Variants in KIF3B observed in about 807,000 individuals in gnomAD.
KIF3B encodes kinesin family member 3B, also known as kinesin-like protein KIF3B.
KIF3B carries 38 observed loss-of-function variants against 74.3 expected under a neutral mutation model. The observed-to-expected ratio is 0.51, with a 90% CI of 0.39 to 0.67. The LOEUF (loss-of-function observed/expected upper bound fraction) is 0.67. Among genes scored for constraint, KIF3B ranks in the 30% least tolerant of loss-of-function variants. The pLI is 0.00. For synonymous variants in KIF3B, 326 were observed against 342.5 expected (o/e 0.95, Z 0.53); for missense variants, 649 against 932.0 (o/e 0.70, Z 3.95).
At chr20:32,325,123 A>G (rs2047896204) in intron 5 of KIF3B, among the ~76,000 whole-genome samples, 1 of 152,162 alleles carries the variant, frequency 6.6e-6, no homozygotes, top group South Asian at 2.1e-4. Context: ...AAATATACCA[A>G]CATAATAATA....
chr20:32,325,231 C>T (rs1033455223), intron 5 of KIF3B, among the ~76,000 whole-genome samples: 3 of 151,954 alleles, frequency 2.0e-5, no homozygotes, highest in African/African-American at 4.8e-5. Context: ...CTCTGTCACC[C>T]GGATTGGAGT....
intron 5 of KIF3B, among the ~76,000 whole-genome samples, chr20:32,324,321 C>T (rs891322377): frequency 1.3e-5 from 2 of 152,088 alleles, no homozygotes; most frequent in Admixed American, 6.6e-5. Context: ...TTTAATTGGT[C>T]TAGGGCAGTA....
intron 1 of KIF3B, among the ~76,000 whole-genome samples, chr20:32,294,896 A>G (rs1342256470): frequency 6.6e-6 from 1 of 152,166 alleles, no homozygotes; most frequent in African/African-American, 2.4e-5. Flanking sequence ...TGTCTTGAAT[A>G]TTGCCCATAT....
chr20:32,324,874 C>CA (rs2047894934), intron 5 of KIF3B, among the ~76,000 whole-genome samples: 5 of 152,020 alleles, frequency 3.3e-5, no homozygotes, highest in Admixed American at 3.3e-4. Context: ...ACTAAAAATA[C>CA]AAAAAAATTA....
At chr20:32,285,660 A>T (rs1294813822) in intron 1 of KIF3B, among the ~76,000 whole-genome samples, 1 of 152,092 alleles carries the variant, frequency 6.6e-6, no homozygotes, top group Admixed American at 6.6e-5. Context: ...TTGCGCATAC[A>T]TATATATATG....
chr20:32,325,449 C>T (rs949905025), intron 5 of KIF3B, among the ~76,000 whole-genome samples: 2 of 151,842 alleles, frequency 1.3e-5, no homozygotes, highest in Admixed American at 6.6e-5. Context: ...CTCGGCCTCC[C>T]GAAGCACTGA....
At chr20:32,292,583 G>GAACAAAAAAAA (rs2047697366) in intron 1 of KIF3B, among the ~76,000 whole-genome samples, 1 of 71,822 alleles carries the variant, frequency 1.4e-5, no homozygotes, top group African/African-American at 4.7e-5. Flanking sequence ...ACTAAAAATA[G>GAACAAAAAAAA]AAAAAAAAAA....
rs370786865 is a variant in KIF3B, at chr20:32,277,991, G to T, written c.-66+226G>T. ...CCAGACACGGCCACCTTGGGTCGCA[G>T]CCCACCTGGGGGCCCTGAGGCGGTG... is the stretch of plus-strand genomic sequence containing the variant. On this transcript the variant is annotated intron_variant, in intron 1 of 8. Transcript: ENST00000375712. 1.2e-3 allele frequency among the ~76,000 whole-genome samples: 188 copies of T among 152,294 alleles called. 5 individuals are homozygous for T. In the East Asian group the frequency reaches 0.031, roughly 25 times the overall value.
rs1378068044 is a variant in KIF3B at position 32,310,948 on chromosome 20, G to C, written c.1171G>C (p.Gly391Arg). 4 of 1,613,128 alleles carry C rather than the reference G, an allele frequency of 2.5e-6. No individual in the cohort carries two copies. Among genetic ancestry groups the C allele is most frequent in the African/African-American group, 2.7e-5 (2 of 74,934 alleles). The change falls in exon 2 of 9, where the codon GGG (glycine) becomes CGG (arginine). Residue 391 changes from glycine (G) to arginine (R), a missense_variant. Transcript: ENST00000375712. The surrounding 1 kb of genome is among the most constrained non-coding windows in gnomAD (Gnocchi z 6.5). ...GCGGAGGGAAGGTGGTGGCAGTGGT[G>C]GGGGTGGGGAAGAGGAGGAGGAGGA... ...EKRREGGGSG[G>R]GGEEEEEEGE...
chr20:32,312,112 C>T (rs112678017), intron 2 of KIF3B, among the ~76,000 whole-genome samples: 8 of 126,750 alleles, frequency 6.3e-5, no homozygotes, highest in East Asian at 3.9e-4. Flanking sequence ...TTTTTTTTTT[C>T]TTTCTTTCTT....
rs541452234 is a variant in KIF3B at position 32,288,663 on chromosome 20, G to A, written c.-66+10898G>A. Among the ~76,000 whole-genome samples the A allele has an allele frequency of 8.6e-5, 13 of 151,986 alleles. 1 individual carries two copies. Among genetic ancestry groups the A allele is most frequent in the Admixed American group, 2.6e-4 (4 of 15,264 alleles). On this transcript the variant is annotated intron_variant, in intron 1 of 8. Coordinates refer to ENST00000375712, the MANE Select transcript of KIF3B (RefSeq NM_004798.4). Reference sequence around the variant, plus strand: ...TAGGCCTTTGTCATTTCAACCCTTCGTTCTCTGAATAGGCTGTTTATTGGC... The same window carrying A: ...TAGGCCTTTGTCATTTCAACCCTTCATTCTCTGAATAGGCTGTTTATTGGC...
intron 1 of KIF3B, among the ~76,000 whole-genome samples, chr20:32,281,614 G>A (rs1306101625): frequency 6.6e-6 from 1 of 152,192 alleles, no homozygotes; most frequent in Non-Finnish European, 1.5e-5. Context: ...CTATTCAGGA[G>A]GCTGAGGCAC....
chr20:32,301,085 C>CTTTTTTT (rs950388063), intron 1 of KIF3B, among the ~76,000 whole-genome samples: 3 of 90,170 alleles, frequency 3.3e-5, no homozygotes, highest in Admixed American at 1.4e-4. Flanking sequence ...GCTTCATGGT[C>CTTTTTTT]TTTTTTTTTT....
chr20:32,302,859 C>T (rs533062301), intron 1 of KIF3B, among the ~76,000 whole-genome samples: 1 of 152,342 alleles, frequency 6.6e-6, no homozygotes, highest in South Asian at 2.1e-4. Context: ...GCCATTCTAA[C>T]ATCTGTCTCT....
chr20:32,297,666 G>A (rs866268297), intron 1 of KIF3B, among the ~76,000 whole-genome samples: 1 of 152,126 alleles, frequency 6.6e-6, no homozygotes, highest in African/African-American at 2.4e-5. Flanking sequence ...ACAAGAGCCA[G>A]CCAGGAAGTA....
At chr20:32,286,630 A>T (rs1325191214) in intron 1 of KIF3B, among the ~76,000 whole-genome samples, 1 of 152,234 alleles carries the variant, frequency 6.6e-6, no homozygotes, top group East Asian at 1.9e-4. Context: ...TGAGGAAAAT[A>T]CTGAACAGAT....
At chr20:32,331,079 G>T (rs2047927464) in intron 8 of KIF3B, 144 bp from the exon 9 acceptor site, 2 of 685,722 alleles carry the variant, frequency 2.9e-6, no homozygotes, top group African/African-American at 1.8e-5. Context: ...AAAGGTTCAG[G>T]CTGTGCCAGT....
chr20:32,285,798 G>A (rs561598088), intron 1 of KIF3B, among the ~76,000 whole-genome samples: 3 of 152,228 alleles, frequency 2.0e-5, no homozygotes, highest in East Asian at 1.9e-4. Flanking sequence ...CAGACCTTTC[G>A]GGTGTGGCTT....
intron 8 of KIF3B, 138 bp downstream of exon 8, chr20:32,330,457 T>C (rs1033003059): frequency 2.0e-5 from 15 of 734,754 alleles, no homozygotes; most frequent in African/African-American, 3.6e-5. Context: ...TGTTTACTTA[T>C]TTATTCTACA....
Sources: allele counts gnomAD v4.1 joint callset (sites outside exome capture counted in the v4.1 genomes callset), GRCh38; gene constraint gnomAD v4.1.1; non-coding constraint Gnocchi (gnomAD v3.1); transcripts MANE v1.5; gene names NCBI Gene and HGNC (gene_info 2026-07-23, HGNC 2026-07-21).